PHF14: variants seen among roughly 807,000 people sequenced by gnomAD.
PHF14 encodes the protein PHD finger protein 14.
Under a neutral mutation model 117.9 loss-of-function variants are expected in PHF14, and 55 were observed. The ratio of observed to expected loss-of-function variants is 0.47; its 90% CI spans 0.38 to 0.58. The LOEUF (loss-of-function observed/expected upper bound fraction) is 0.58. PHF14 is among the 20% of genes least tolerant of loss of function. PHF14 has a pLI of 0.00. For synonymous variants in PHF14, 409 were observed against 368.6 expected (o/e 1.11, Z -1.26); for missense variants, 978 against 1,122.2 (o/e 0.87, Z 1.84).
chr7:11,020,364 A>T (rs1295990679), intron 5 of PHF14, among the ~76,000 whole-genome samples: 4 of 151,992 alleles, frequency 2.6e-5, no homozygotes, highest in African/African-American at 9.7e-5. Flanking sequence ...TGTTAGGATT[A>T]CTGTACCTGG....
chr7:11,115,026 A>C lies in PHF14; in HGVS notation c.2772+3559A>C, dbSNP rs148822363. On this transcript the variant is annotated intron_variant, in intron 17 of 17. Coordinates refer to ENST00000634607, the MANE Select transcript of PHF14 (RefSeq NM_001007157.2). Reference sequence around the variant, plus strand: ...CTTTCTTAACCTCAACTTTTCTCTTATTTTTCCCTTATTTCTTCTTCCATC... The same window carrying C: ...CTTTCTTAACCTCAACTTTTCTCTTCTTTTTCCCTTATTTCTTCTTCCATC... Among the ~76,000 whole-genome samples, 19 of 151,840 alleles carry C rather than the reference A, an allele frequency of 1.3e-4. No homozygotes were observed. In the East Asian group the frequency reaches 3.7e-3, roughly 29 times the overall value.
chr7:11,076,771 T>C (rs921875066), intron 16 of PHF14, among the ~76,000 whole-genome samples: 1 of 152,014 alleles, frequency 6.6e-6, no homozygotes, highest in Admixed American at 6.6e-5. Context: ...TTTTGCAATG[T>C]TGTCCAGGCT....
At chr7:11,007,091 C>G (rs979332767) in intron 4 of PHF14, among the ~76,000 whole-genome samples, 11 of 151,926 alleles carry the variant, frequency 7.2e-5, no homozygotes, top group African/African-American at 2.7e-4. Flanking sequence ...GCAGGAGAAT[C>G]GCTTGAACCC....
chr7:11,088,539 G>T (rs946055947), intron 16 of PHF14, among the ~76,000 whole-genome samples: 24 of 151,892 alleles, frequency 1.6e-4, no homozygotes, highest in African/African-American at 5.6e-4. Context: ...TTTTATAAAT[G>T]TATTTCATTT....
chr7:11,143,294 T>A (rs921728001), intron 17 of PHF14, among the ~76,000 whole-genome samples: 6 of 152,276 alleles, frequency 3.9e-5, no homozygotes, highest in Middle Eastern at 3.4e-3. Flanking sequence ...ACATTATTTT[T>A]ATTTTTTGTA....
chr7:10,992,555 C>T (rs1462575199), intron 4 of PHF14, among the ~76,000 whole-genome samples: 10 of 151,688 alleles, frequency 6.6e-5, no homozygotes, highest in African/African-American at 2.2e-4. Context: ...CCCAGTTACT[C>T]GAGAGGCTGA....
chr7:11,045,863 T>C (rs1784646548), intron 13 of PHF14, among the ~76,000 whole-genome samples: 1 of 152,188 alleles, frequency 6.6e-6, no homozygotes, highest in South Asian at 2.1e-4. Context: ...TGGTAACAAC[T>C]TACTGTGGAA....
intron 17 of PHF14, among the ~76,000 whole-genome samples, chr7:11,118,204 C>G (rs955825345): frequency 6.6e-6 from 1 of 151,874 alleles, no homozygotes; most frequent in Admixed American, 6.6e-5. Context: ...GTTTTGTAGA[C>G]TTACTAAAAG....
intron 16 of PHF14, chr7:11,063,283 G>A: frequency 1.0e-6 from 1 of 984,504 alleles, no homozygotes; most frequent in Non-Finnish European, 1.2e-6. Context: ...TTAAAATTTA[G>A]GGTAAAGTAG....
At position 11,033,058 on chromosome 7, in the gene PHF14, G is replaced by A. The variant is rs546630811; in HGVS notation, c.1456-2582G>A. ...TTAAAGAGATAGTATATACAAAAGCGCATGTGCTTATTTCATGGTAGATAT... is the reference window on the plus strand; with the variant it reads ...TTAAAGAGATAGTATATACAAAAGCACATGTGCTTATTTCATGGTAGATAT... On this transcript the variant is annotated intron_variant, in intron 7 of 17. Transcript: ENST00000634607. Among the ~76,000 whole-genome samples the A allele has an allele frequency of 5.3e-5, 8 of 152,294 alleles. No homozygotes were observed. In the East Asian group the frequency reaches 1.2e-3, roughly 22 times the overall value.
At chr7:11,051,286 G>A (rs182227812) in intron 13 of PHF14, among the ~76,000 whole-genome samples, 1 of 151,998 alleles carries the variant, frequency 6.6e-6, no homozygotes, top group Admixed American at 6.6e-5. Context: ...GAAGTGCTGG[G>A]ATTATGGGAG....
Position 11,130,401 on chromosome 7 carries a change from G to A in PHF14, c.2772+18934G>A, listed in dbSNP as rs1313601811. Among the ~76,000 whole-genome samples the A allele has an allele frequency of 6.6e-6, 1 of 151,960 alleles. No homozygotes were observed. The highest frequency in any genetic ancestry group is 2.4e-5 in the African/African-American group (1 of 41,404). On this transcript the variant is annotated intron_variant, in intron 17 of 17. Transcript: ENST00000634607. The surrounding 1 kb of genome is among the most constrained non-coding windows in gnomAD (Gnocchi z 4.2). ...ATATACAATTTATATGGGGGAAACT[G>A]CATAATAGTGTGAAATGTAATGGTA...
intron 17 of PHF14, among the ~76,000 whole-genome samples, chr7:11,143,036 G>T (rs909646176): frequency 2.6e-5 from 4 of 152,066 alleles, no homozygotes; most frequent in African/African-American, 9.7e-5. Context: ...ACATCACTTA[G>T]AAATTAGGAA....
At chr7:11,129,799 A>G (rs1382732425) in intron 17 of PHF14, among the ~76,000 whole-genome samples, 2 of 152,022 alleles carry the variant, frequency 1.3e-5, no homozygotes, top group African/African-American at 4.8e-5. Context: ...TAAAGCATGT[A>G]TGCATTTAAT....
chr7:11,134,056 C>T (rs1028513585), intron 17 of PHF14, among the ~76,000 whole-genome samples: 1 of 151,902 alleles, frequency 6.6e-6, no homozygotes, highest in Non-Finnish European at 1.5e-5. Context: ...CTATCCAGTG[C>T]CTGGGAAATT....
At chr7:11,022,480 G>T (rs1783769870) in intron 5 of PHF14, among the ~76,000 whole-genome samples, 1 of 152,070 alleles carries the variant, frequency 6.6e-6, no homozygotes, top group Non-Finnish European at 1.5e-5. Context: ...AATTCTCAAA[G>T]GGTTTGAAAT....
At chr7:10,976,050 G>A (rs1211127178) in intron 2 of PHF14, among the ~76,000 whole-genome samples, 1 of 152,024 alleles carries the variant, frequency 6.6e-6, no homozygotes, top group Admixed American at 6.5e-5. Flanking sequence ...CAGGTAACAG[G>A]GGTATTGAGT....
chr7:11,081,563 A>G (rs1412769242), intron 16 of PHF14, among the ~76,000 whole-genome samples: 2 of 152,350 alleles, frequency 1.3e-5, no homozygotes, highest in East Asian at 1.9e-4. Context: ...GAATCGTCCC[A>G]TATTTGTTTA....
At chr7:11,117,305 A>G (rs1426475941) in intron 17 of PHF14, among the ~76,000 whole-genome samples, 2 of 151,652 alleles carry the variant, frequency 1.3e-5, no homozygotes, top group East Asian at 1.9e-4. Context: ...GGAGACTTCT[A>G]TTTGGTTCAG....
Sources: gnomAD v4.1 joint callset for allele counts (sites outside exome capture counted in the v4.1 genomes callset) on GRCh38, gnomAD v4.1.1 for gene constraint, Gnocchi (gnomAD v3.1) non-coding constraint, MANE v1.5 for transcripts, NCBI Gene and HGNC (gene_info 2026-07-23, HGNC 2026-07-21) for gene names.